WDPCP: variants seen among roughly 807,000 people sequenced by gnomAD.
WDPCP encodes the protein WD repeat-containing and planar cell polarity effector protein fritz homolog.
WDPCP carries 71 observed loss-of-function variants against 93.1 expected under a neutral mutation model. The ratio of observed to expected loss-of-function variants is 0.76; its 90% CI spans 0.63 to 0.93. The LOEUF (loss-of-function observed/expected upper bound fraction) is 0.93, where lower values mean the gene tolerates loss of function less well. Ranked by LOEUF, WDPCP falls within the 40% of genes least tolerant of loss-of-function variation. The pLI is 0.00. For missense variants in WDPCP, 844 were observed against 887.4 expected, an observed-to-expected ratio of 0.95 and a Z score of 0.62; for synonymous variants, 315 against 315.0, an observed-to-expected ratio of 1.00 and a Z score of 0.00.
intron 12 of WDPCP, among the ~76,000 whole-genome samples, chr2:63,362,199 T>C (rs1690516961): frequency 6.6e-6 from 1 of 151,704 alleles, no homozygotes; most frequent in South Asian, 2.1e-4. Flanking sequence ...TGCAACCCAA[T>C]TTTTTCCTCT....
At chr2:63,653,818 G>A (rs559914674) in intron 2 of WDPCP, among the ~76,000 whole-genome samples, 20 of 151,618 alleles carry the variant, frequency 1.3e-4, no homozygotes, top group South Asian at 6.2e-4. Context: ...GCTGAGGCAC[G>A]AGAATCACCT....
chr2:63,684,664 G>A, intron 2 of WDPCP: 1 of 688,440 alleles, frequency 1.5e-6, no homozygotes, highest in East Asian at 3.1e-5. Context: ...AGTTTGAAGA[G>A]AGATACAAGA....
intron 2 of WDPCP, among the ~76,000 whole-genome samples, chr2:63,729,696 C>G (rs978892159): frequency 6.6e-6 from 1 of 152,022 alleles, no homozygotes; most frequent in Non-Finnish European, 1.5e-5. Flanking sequence ...TGTGGAATAA[C>G]TTTCATCTAT....
chr2:63,180,432 G>A (rs528913213), intron 14 of WDPCP, among the ~76,000 whole-genome samples: 1 of 152,260 alleles, frequency 6.6e-6, no homozygotes, highest in African/African-American at 2.4e-5. Flanking sequence ...GTGAGAACAT[G>A]TGGTGTTTGA....
intron 6 of WDPCP, among the ~76,000 whole-genome samples, chr2:63,453,454 G>A (rs924793478): frequency 6.6e-6 from 1 of 152,204 alleles, no homozygotes; most frequent in Non-Finnish European, 1.5e-5. Context: ...ACAGGTGCTG[G>A]AGAGGATGTG....
chr2:63,177,035 G>A (rs1673863314), intron 14 of WDPCP, among the ~76,000 whole-genome samples: 2 of 152,140 alleles, frequency 1.3e-5, no homozygotes, highest in South Asian at 4.1e-4. Flanking sequence ...ATTGAATGGT[G>A]TTGACATCTG....
chr2:63,553,722 G>A (rs531815432), intron 1 of WDPCP, among the ~76,000 whole-genome samples: 2 of 152,164 alleles, frequency 1.3e-5, no homozygotes, highest in Admixed American at 6.5e-5. Context: ...AAAGAGGGTT[G>A]TTTTTCTAGC....
chr2:63,316,689 A>G (rs942935170), intron 12 of WDPCP, among the ~76,000 whole-genome samples: 1 of 151,950 alleles, frequency 6.6e-6, no homozygotes, highest in Admixed American at 6.6e-5. Flanking sequence ...TAAAAGAAAA[A>G]AAACTAAAAG....
chr2:63,609,090 G>A (rs549504056), intron 3 of WDPCP, among the ~76,000 whole-genome samples: 1 of 152,144 alleles, frequency 6.6e-6, no homozygotes, highest in South Asian at 2.1e-4. Flanking sequence ...TAATGGGCCA[G>A]GCGCGGTGGC....
intron 12 of WDPCP, among the ~76,000 whole-genome samples, chr2:63,373,116 G>A (rs1017707805): frequency 6.6e-6 from 1 of 151,846 alleles, no homozygotes; most frequent in Non-Finnish European, 1.5e-5. Context: ...AGAGTGAAAC[G>A]CCATATCAAA....
At chr2:63,313,880 A>ATGTGTGTG (rs1559312042) in intron 12 of WDPCP, among the ~76,000 whole-genome samples, 32 of 3,572 alleles carry the variant, frequency 9.0e-3, no homozygotes, top group African/African-American at 0.078. Flanking sequence ...ATATATATAT[A>ATGTGTGTG]TATATATTTT....
At chr2:63,697,811 C>T (rs1457426846) in intron 2 of WDPCP, among the ~76,000 whole-genome samples, 2 of 151,724 alleles carry the variant, frequency 1.3e-5, no homozygotes, top group Admixed American at 6.6e-5. Flanking sequence ...CCATGCCAGG[C>T]TAATTTTTGT....
chr2:63,131,421 A>T (rs1368833865), intron 17 of WDPCP, among the ~76,000 whole-genome samples: 1 of 152,160 alleles, frequency 6.6e-6, no homozygotes, highest in African/African-American at 2.4e-5. Context: ...TATGCAATTT[A>T]TGTTACACTG....
At chr2:63,831,441 A>AT (rs1435236207), upstream of WDPCP, among the ~76,000 whole-genome samples, 2 of 152,114 alleles carry the variant, frequency 1.3e-5, no homozygotes, top group Admixed American at 1.3e-4. Context: ...TCCACAGGTC[A>AT]TTATATGGCT....
chr2:63,750,547 C>T (rs1319806566), intron 2 of WDPCP, among the ~76,000 whole-genome samples: 1 of 151,982 alleles, frequency 6.6e-6, no homozygotes, highest in Non-Finnish European at 1.5e-5. Context: ...CTGTTGAGTA[C>T]AAGTTGTAAG....
At chr2:63,162,865 T>A (rs1207448860) in intron 15 of WDPCP, among the ~76,000 whole-genome samples, 1 of 152,186 alleles carries the variant, frequency 6.6e-6, no homozygotes, top group Non-Finnish European at 1.5e-5. Context: ...GCTTTATACA[T>A]GAAATTATAC....
intron 14 of WDPCP, among the ~76,000 whole-genome samples, chr2:63,231,178 C>A (rs1309102525): frequency 6.6e-6 from 1 of 152,092 alleles, no homozygotes; most frequent in Non-Finnish European, 1.5e-5. Flanking sequence ...TGGGACATAT[C>A]TCAAAATAAT....
intron 2 of WDPCP, among the ~76,000 whole-genome samples, chr2:63,733,523 C>CA (rs1281485480): frequency 1.3e-5 from 2 of 152,166 alleles, no homozygotes; most frequent in Non-Finnish European, 2.9e-5. Flanking sequence ...GATTTTATCT[C>CA]ACTGGAGCAT....
intron 1 of WDPCP, among the ~76,000 whole-genome samples, chr2:63,544,192 T>C (rs1413756904): frequency 6.6e-6 from 1 of 152,154 alleles, no homozygotes; most frequent in Non-Finnish European, 1.5e-5. Context: ...TACTTCATTA[T>C]ATGGTCCTTG....
Sources: allele counts gnomAD v4.1 joint callset (sites outside exome capture counted in the v4.1 genomes callset), GRCh38; gene constraint gnomAD v4.1.1; transcripts MANE v1.5; gene names NCBI Gene and HGNC (gene_info 2026-07-23, HGNC 2026-07-21).